The following CELF2 variants were observed in gnomAD, a reference collection of about 807,000 sequenced individuals.
CELF2 encodes CUG triplet repeat RNA-binding protein 2.
CELF2 carries 8 observed loss-of-function variants against 62.6 expected under a neutral mutation model. The ratio of observed to expected loss-of-function variants is 0.13; its 90% CI spans 0.07 to 0.23. The LOEUF (loss-of-function observed/expected upper bound fraction) is 0.23. CELF2 is among the 10% of genes least tolerant of loss of function. CELF2 has a pLI of 1.00. For synonymous variants in CELF2, 258 were observed against 250.0 expected (o/e 1.03, Z -0.30); for missense variants, 333 against 671.0 (o/e 0.50, Z 5.56).
intron 2 of CELF2, among the ~76,000 whole-genome samples, chr10:10,996,831 C>T (rs1056522272): frequency 2.1e-4 from 32 of 152,116 alleles, no homozygotes; most frequent in African/African-American, 7.7e-4. Flanking sequence ...ATCTAACTTC[C>T]TCCTCCCCTG....
At chr10:10,949,166 A>T (rs1480064248) in intron 2 of CELF2, among the ~76,000 whole-genome samples, 1 of 152,120 alleles carries the variant, frequency 6.6e-6, no homozygotes, top group Non-Finnish European at 1.5e-5. Context: ...GGTCCTCTAT[A>T]CATGTGTTCC....
intron 1 of CELF2, among the ~76,000 whole-genome samples, chr10:10,881,983 C>T (rs189695669): frequency 1.4e-3 from 211 of 152,298 alleles, no homozygotes; most frequent in East Asian, 5.6e-3. Context: ...ATTTTGGCAT[C>T]TTTTAACATG....
intron 2 of CELF2, among the ~76,000 whole-genome samples, chr10:10,973,907 T>C (rs1335243659): frequency 6.6e-6 from 1 of 152,196 alleles, no homozygotes; most frequent in Non-Finnish European, 1.5e-5. Flanking sequence ...AGGGTCCTGC[T>C]GCCTTGCTGA....
chr10:10,692,280 G>T, the CELF2 span, among the ~76,000 whole-genome samples: 892 of 151,374 alleles, frequency 5.9e-3, 9 homozygotes, highest in African/African-American at 0.021. Flanking sequence ...TTTCCCCATT[G>T]CTTGTTTTTC....
intron 1 of CELF2, among the ~76,000 whole-genome samples, chr10:11,094,291 A>G (rs112985851): frequency 2.6e-5 from 4 of 152,364 alleles, no homozygotes; most frequent in African/African-American, 9.6e-5. Flanking sequence ...TTTTTCTAAA[A>G]TGCCATCATT....
chr10:11,330,048 G>A lies in CELF2; in HGVS notation c.*995G>A, dbSNP rs1342858091. ...AGTAGTCTCTAGAGGAATTGTTCTA[G>A]GAATGGGCTTTTTTTCACCGTTGAA... On this transcript the variant is annotated 3_prime_UTR_variant, in exon 13 of 13. Transcript: ENST00000633077. This position sits in a 1 kb window ranked among gnomAD's most constrained non-coding sequence, Gnocchi z 4.5. The A allele has an allele frequency of 2.6e-5, 4 of 152,640 alleles. No homozygotes were observed. The highest frequency in any genetic ancestry group is 5.9e-5 in the Non-Finnish European group (4 of 68,032). 9.5% of individuals were successfully genotyped at this position (152,640 alleles called of 1,614,324 possible).
chr10:11,165,481 G>T lies in CELF2; in HGVS notation c.75-5G>T. The T allele has an allele frequency of 1.2e-6, 2 of 1,606,658 alleles. No homozygotes were observed. Among genetic ancestry groups the T allele is most frequent in the East Asian group, 2.3e-5 (1 of 44,210 alleles). On this transcript the variant is annotated splice_region_variant and splice_polypyrimidine_tract_variant and intron_variant, in intron 1 of 12. Transcript: ENST00000633077. This position sits in a 1 kb window ranked among gnomAD's most constrained non-coding sequence, Gnocchi z 7.4. ...AACTCTGGCTCCCGGTTCCGTTTTT[G>T]ACAGTAACGGCACAGCCAACAAGAT...
At chr10:10,559,024 A>G in the CELF2 span, among the ~76,000 whole-genome samples, 5 of 152,198 alleles carry the variant, frequency 3.3e-5, no homozygotes, top group African/African-American at 9.6e-5. Context: ...TATTTTAGAT[A>G]TATTACTTTA....
chr10:10,650,922 C>T, the CELF2 span, among the ~76,000 whole-genome samples: 3 of 151,882 alleles, frequency 2.0e-5, no homozygotes, highest in Non-Finnish European at 2.9e-5. Flanking sequence ...GTGAGCGACG[C>T]AGAAGACCGG....
chr10:11,158,441 A>G (rs1302349702), intron 1 of CELF2, among the ~76,000 whole-genome samples: 1 of 151,832 alleles, frequency 6.6e-6, no homozygotes, highest in Non-Finnish European at 1.5e-5. Flanking sequence ...TAGAACACCT[A>G]CCTCTCCCTG....
chr10:10,920,008 G>A lies in CELF2; in HGVS notation c.89+9G>A, dbSNP rs11256914. On this transcript the variant is annotated intron_variant, in intron 2 of 13. Transcript: ENST00000636488. ...GCTGGGAGTCTACCAAGGTGAGCACGCTGGCTTTGCTTATTCTATGCCCGA... is the reference window on the plus strand; with the variant it reads ...GCTGGGAGTCTACCAAGGTGAGCACACTGGCTTTGCTTATTCTATGCCCGA... 0.26 allele frequency: 321,532 copies of A among 1,228,752 alleles called. 46,622 individuals carry two copies. Among genetic ancestry groups the A allele is most frequent in the East Asian group, 0.7 (22,214 of 31,670 alleles). The allele number at this position is 1,228,752 out of a possible 1,614,324, so 76.1% of individuals were successfully genotyped here. A position where few individuals can be genotyped will look rare whatever the true frequency, so the allele number is the denominator to read the frequency against.
At chr10:11,275,310 C>T (rs1171118189) in intron 8 of CELF2, among the ~76,000 whole-genome samples, 190 bp downstream of exon 8, 4 of 152,180 alleles carry the variant, frequency 2.6e-5, no homozygotes, top group African/African-American at 9.7e-5. Context: ...AGGTTACCTA[C>T]CCACCTTCGC....
At chr10:10,650,389 A>T in the CELF2 span, among the ~76,000 whole-genome samples, 1 of 152,180 alleles carries the variant, frequency 6.6e-6, no homozygotes, top group Non-Finnish European at 1.5e-5. Flanking sequence ...TTTGACTTAA[A>T]ATGTTAAGTT....
chr10:11,040,444 A>G (rs1310053840), intron 1 of CELF2, among the ~76,000 whole-genome samples: 1 of 152,206 alleles, frequency 6.6e-6, no homozygotes, highest in African/African-American at 2.4e-5. Flanking sequence ...TAAAGGTATA[A>G]TTTGTACAGA....
intron 4 of CELF2, among the ~76,000 whole-genome samples, chr10:11,256,868 G>C (rs369421105): frequency 1.3e-5 from 2 of 151,916 alleles, no homozygotes; most frequent in Non-Finnish European, 1.5e-5. Flanking sequence ...TAGAATTTGC[G>C]TGTCGTCCTC....
the CELF2 span, among the ~76,000 whole-genome samples, chr10:10,696,307 G>A: frequency 6.6e-6 from 1 of 151,778 alleles, no homozygotes; most frequent in Non-Finnish European, 1.5e-5. Flanking sequence ...CTCCCAGTTA[G>A]GCTGCTCAGG....
rs571383756 is a variant in CELF2 at position 10,931,553 on chromosome 10, CACCT to C, written c.89+11555_89+11558del. Among the ~76,000 whole-genome samples, 129 of 152,306 alleles carry C rather than the reference CACCT, an allele frequency of 8.5e-4. No homozygotes were observed. Among genetic ancestry groups the C allele is most frequent in the African/African-American group, 3.0e-3 (124 of 41,550 alleles). Reference sequence around the variant, plus strand: ...ACTCAGGCTAGCATCGACATAGTGACACCTGGTGGCCCCTAATTCATCATTGGGC... The same window carrying C: ...ACTCAGGCTAGCATCGACATAGTGACGGTGGCCCCTAATTCATCATTGGGC... On this transcript the variant is annotated intron_variant, in intron 2 of 13. Transcript: ENST00000636488. This position sits in a 1 kb window ranked among gnomAD's most constrained non-coding sequence, Gnocchi z 6.1.
chr10:11,116,125 T>G (rs2056499582), intron 1 of CELF2, among the ~76,000 whole-genome samples: 1 of 152,240 alleles, frequency 6.6e-6, no homozygotes, highest in Non-Finnish European at 1.5e-5. Context: ...AATTTAATAC[T>G]CTAAATTAAT....
intron 2 of CELF2, among the ~76,000 whole-genome samples, chr10:10,942,316 C>G (rs568364052): frequency 6.6e-6 from 1 of 152,312 alleles, no homozygotes; most frequent in Non-Finnish European, 1.5e-5. Context: ...CTCACCATCT[C>G]TCACAAAGCT....
Sources: allele counts gnomAD v4.1 joint callset (sites outside exome capture counted in the v4.1 genomes callset), GRCh38; gene constraint gnomAD v4.1.1; non-coding constraint Gnocchi (gnomAD v3.1); transcripts MANE v1.5; gene names NCBI Gene and HGNC (gene_info 2026-07-23, HGNC 2026-07-21).